Variants in BCAR3 observed in about 807,000 individuals in gnomAD.
BCAR3 encodes breast cancer anti-estrogen resistance protein 3.
In BCAR3, 37 loss-of-function variants were observed where a neutral mutation model predicts 80.1. The ratio of observed to expected loss-of-function variants is 0.46; its 90% CI spans 0.36 to 0.61. The LOEUF (loss-of-function observed/expected upper bound fraction) is 0.61, where lower values mean the gene tolerates loss of function less well. Ranked by LOEUF, BCAR3 falls within the 20% of genes least tolerant of loss-of-function variation. The pLI, the probability that BCAR3 is intolerant of heterozygous loss-of-function variation, is 0.00. For synonymous variants in BCAR3, 389 were observed against 418.9 expected (o/e 0.93, Z 0.87); for missense variants, 978 against 1,068.2 (o/e 0.92, Z 1.18).
At chr1:93,624,366 G>A (rs1366717210) in intron 3 of BCAR3, among the ~76,000 whole-genome samples, 1 of 152,194 alleles carries the variant, frequency 6.6e-6, no homozygotes, top group East Asian at 1.9e-4. Flanking sequence ...AGGACAGGAC[G>A]TTTACATCAT....
At chr1:93,599,016 C>CA (rs1014478246) in intron 3 of BCAR3, 8 of 151,906 alleles carry the variant, frequency 5.3e-5, no homozygotes, top group African/African-American at 1.9e-4. Context: ...TATATACATC[C>CA]AGCAACCCCG....
At chr1:93,714,333 A>G (rs2101981892) in intron 2 of BCAR3, among the ~76,000 whole-genome samples, 1 of 152,324 alleles carries the variant, frequency 6.6e-6, no homozygotes, top group South Asian at 2.1e-4. Context: ...TTCTTCCCAT[A>G]TCGCCTTCTG....
At chr1:93,813,798 T>C (rs914312115) in intron 2 of BCAR3, among the ~76,000 whole-genome samples, 4 of 152,226 alleles carry the variant, frequency 2.6e-5, no homozygotes, top group East Asian at 1.9e-4. Flanking sequence ...GTCCCAATAA[T>C]GTCCTTTACA....
chr1:93,748,364 A>T (rs57824006), intron 2 of BCAR3, among the ~76,000 whole-genome samples: 2,797 of 152,228 alleles, frequency 0.018, 81 homozygotes, highest in African/African-American at 0.064. Flanking sequence ...GAAGGGTTGC[A>T]TCCTAATTGC....
At chr1:93,615,998 C>G (rs1023348757) in intron 3 of BCAR3, among the ~76,000 whole-genome samples, 1 of 152,186 alleles carries the variant, frequency 6.6e-6, no homozygotes, top group Non-Finnish European at 1.5e-5. Flanking sequence ...ACCCTTCCCC[C>G]AGAAATCGTG....
intron 5 of BCAR3, among the ~76,000 whole-genome samples, chr1:93,588,648 T>C (rs1033301251): frequency 6.6e-6 from 1 of 152,104 alleles, no homozygotes; most frequent in Non-Finnish European, 1.5e-5. Context: ...CTTATGCCCA[T>C]GCTATGCCTC....
chr1:93,638,791 G>C (rs986651362), intron 3 of BCAR3, among the ~76,000 whole-genome samples: 1 of 152,118 alleles, frequency 6.6e-6, no homozygotes, highest in African/African-American at 2.4e-5. Flanking sequence ...CACAGAAAAG[G>C]ACCTCATGAT....
intron 2 of BCAR3, among the ~76,000 whole-genome samples, chr1:93,838,173 GA>G (rs1255211053): frequency 6.6e-6 from 1 of 152,202 alleles, no homozygotes; most frequent in Non-Finnish European, 1.5e-5. Flanking sequence ...AATTCATAAA[GA>G]AAAGAGGTTT....
At chr1:93,575,906 T>A (rs1009905487) in intron 8 of BCAR3, 108 bp downstream of exon 8, 2 of 879,062 alleles carry the variant, frequency 2.3e-6, no homozygotes, top group Non-Finnish European at 3.6e-6. Flanking sequence ...GAAGTACTGT[T>A]ACCCCAGGGC....
intron 3 of BCAR3, among the ~76,000 whole-genome samples, chr1:93,693,372 C>T (rs937561403): frequency 6.6e-6 from 1 of 152,182 alleles, no homozygotes; most frequent in Non-Finnish European, 1.5e-5. Flanking sequence ...GAAGAAAGAA[C>T]CCCTTGAGTG....
chr1:93,828,413 G>T (rs1654450002), intron 2 of BCAR3, among the ~76,000 whole-genome samples: 1 of 152,154 alleles, frequency 6.6e-6, no homozygotes, highest in African/African-American at 2.4e-5. Context: ...ACCTTCCCCT[G>T]CCTTTCTGTG....
chr1:93,673,100 C>A (rs1648295126), intron 2 of BCAR3, among the ~76,000 whole-genome samples: 1 of 152,222 alleles, frequency 6.6e-6, no homozygotes, highest in African/African-American at 2.4e-5. Flanking sequence ...TAAATATCAT[C>A]TCAGAAACCT....
chr1:93,674,281 A>G (rs1388523175), intron 2 of BCAR3, among the ~76,000 whole-genome samples: 2 of 152,156 alleles, frequency 1.3e-5, no homozygotes, highest in East Asian at 1.9e-4. Context: ...AAAACTTCGG[A>G]GTCTCACTCT....
chr1:93,723,070 C>A (rs2100672666), intron 2 of BCAR3, among the ~76,000 whole-genome samples: 1 of 152,242 alleles, frequency 6.6e-6, no homozygotes, highest in East Asian at 1.9e-4. Flanking sequence ...AGAAAGGAAC[C>A]AATAGACCCC....
At chr1:93,714,926 T>C (rs1348344960) in intron 2 of BCAR3, among the ~76,000 whole-genome samples, 1 of 152,248 alleles carries the variant, frequency 6.6e-6, no homozygotes, top group Non-Finnish European at 1.5e-5. Flanking sequence ...GAAAAGCATT[T>C]TTTTTGAAAA....
At chr1:93,630,016 T>C (rs958715668) in intron 3 of BCAR3, among the ~76,000 whole-genome samples, 28 of 152,300 alleles carry the variant, frequency 1.8e-4, no homozygotes, top group African/African-American at 6.7e-4. Context: ...TATAAAATTT[T>C]TAGAACAACC....
intron 2 of BCAR3, among the ~76,000 whole-genome samples, chr1:93,809,776 A>T (rs1277233160): frequency 8.6e-5 from 7 of 81,866 alleles, no homozygotes; most frequent in Admixed American, 3.6e-4. Context: ...TCAAAAAGAT[A>T]AAAAAAAAAA....
chr1:93,758,125 C>T (rs1364407709), intron 2 of BCAR3, among the ~76,000 whole-genome samples: 5 of 152,136 alleles, frequency 3.3e-5, no homozygotes, highest in Non-Finnish European at 7.4e-5. Flanking sequence ...AGGGAAGGAC[C>T]GACCCATCAG....
intron 2 of BCAR3, among the ~76,000 whole-genome samples, chr1:93,819,161 G>A (rs761167359): frequency 2.0e-5 from 3 of 151,700 alleles, no homozygotes; most frequent in Non-Finnish European, 2.9e-5. Context: ...CCGCCTCCCC[G>A]GTTCAAGCCA....
Sources: gnomAD v4.1 joint callset for allele counts (sites outside exome capture counted in the v4.1 genomes callset) on GRCh38, gnomAD v4.1.1 for gene constraint, MANE v1.5 for transcripts, NCBI Gene and HGNC (gene_info 2026-07-23, HGNC 2026-07-21) for gene names.